Variants in KMT2D observed in about 807,000 individuals in gnomAD.
KMT2D encodes the protein histone-lysine N-methyltransferase 2D.
KMT2D carries 55 observed loss-of-function variants against 512.7 expected under a neutral mutation model. The observed-to-expected ratio is 0.11, with a 90% CI of 0.09 to 0.13. The LOEUF (loss-of-function observed/expected upper bound fraction) is 0.13, where lower values mean the gene tolerates loss of function less well. Ranked by LOEUF, KMT2D falls within the 10% of genes least tolerant of loss-of-function variation. The pLI, the probability that KMT2D is intolerant of heterozygous loss-of-function variation, is 1.00. For synonymous variants in KMT2D, 2,995 were observed against 2,904.0 expected, an observed-to-expected ratio of 1.03 and a Z score of -1.01; for missense variants, 6,061 against 7,127.9, an observed-to-expected ratio of 0.85 and a Z score of 5.39.
intron 48 of KMT2D, 108 bp from the exon 49 acceptor site, chr12:49,027,430 C>A: frequency 1.1e-6 from 1 of 875,406 alleles, no homozygotes; most frequent in Admixed American, 2.7e-5. Flanking sequence ...ATTCTTTGCC[C>A]TAGACAGCCT....
chr12:49,043,425 T>C lies in KMT2D; in HGVS notation c.5471A>G (p.Asp1824Gly). The C allele has an allele frequency of 6.2e-7, 1 of 1,613,850 alleles. No homozygotes were observed. Among genetic ancestry groups the C allele is most frequent in the Non-Finnish European group, 8.5e-7 (1 of 1,179,826 alleles). Residue 1824 changes from aspartate to glycine, a missense_variant, in exon 25 of 55, where the codon GAT (aspartate) becomes GGT (glycine). Around this residue, in one of 16 missense-constraint regions of KMT2D, gnomAD observed 640 missense variants for 814.3 expected, o/e 0.79. Transcript: ENST00000301067. ...RKELPTSQKG[D>G]DGPDIADEES... Reference sequence around the variant, plus strand: ...TTCATCTGCAATATCTGGACCATCATCTCCTATGAGCAAGAGTCCCCCCTC... The same window carrying C: ...TTCATCTGCAATATCTGGACCATCACCTCCTATGAGCAAGAGTCCCCCCTC...
At position 49,032,497 on chromosome 12, in the gene KMT2D, A is replaced by T. The variant is rs953411455; in HGVS notation, c.12208T>A (p.Ser4070Thr). ...ACAAGCAGGAGTTGTGAGTCCCCAG[A>T]GAGTGAGGGCTTTACCTCTCCTGGT... The part of the protein sequence containing the change: ...TEPGEVKPSL[S>T]GDSQLLLVQP... Residue 4070 changes from serine to threonine, a missense_variant, in exon 40 of 55, where the codon TCT becomes ACT. Coordinates refer to ENST00000301067, the MANE Select transcript of KMT2D (RefSeq NM_003482.4). 3 of 1,574,912 alleles carry T rather than the reference A, an allele frequency of 1.9e-6. No homozygotes were observed. The highest frequency in any genetic ancestry group is 8.6e-7 in the Non-Finnish European group (1 of 1,160,084).
Position 49,037,301 on chromosome 12 carries a change from T to G in KMT2D, c.10055A>C (p.Asn3352Thr), listed in dbSNP as rs2120477009. ...RLAPSMAMVS[N>T]QGHMLSGQHG... ...CTGCCCACTTAGCATATGCCCTTGA[T>G]TGGACACCATAGCCATGGATGGAGC... is the stretch of plus-strand genomic sequence containing the variant. The change falls in exon 35 of 55, where the codon AAT becomes ACT. Residue 3352 changes from asparagine to threonine, a missense_variant. Asn to Thr is a moderately conservative substitution (Grantham distance 65). This residue lies in a region of KMT2D where 533 missense variants were observed against 539.6 expected (regional missense o/e 0.99). Transcript: ENST00000301067. 1 of 1,613,458 alleles carries G rather than the reference T, an allele frequency of 6.2e-7. No individual in the cohort carries two copies.
At position 49,044,896 on chromosome 12, in the gene KMT2D, G is replaced by C. The variant is rs1218189743; in HGVS notation, c.4811C>G (p.Thr1604Ser). 18 of 1,613,946 alleles carry C rather than the reference G, an allele frequency of 1.1e-5. No homozygotes were observed. Among genetic ancestry groups the C allele is most frequent in the Non-Finnish European group, 1.5e-5 (18 of 1,179,912 alleles). ...GCGCCGCTTGTGCAGTGGTGACATGGTCAGGTTACGCAGCAAGGCCATGCC... is the reference window on the plus strand; with the variant it reads ...GCGCCGCTTGTGCAGTGGTGACATGCTCAGGTTACGCAGCAAGGCCATGCC... ...ETGMALLRNLTMSPLHKRRQR... is the reference protein window; with the variant it reads ...ETGMALLRNLSMSPLHKRRQR... Residue 1604 changes from threonine (T) to serine (S), a missense_variant, in exon 20 of 55, where the codon ACC becomes AGC. This residue lies in a region of KMT2D where 640 missense variants were observed against 814.3 expected (regional missense o/e 0.79). Coordinates refer to ENST00000301067, the MANE Select transcript of KMT2D (RefSeq NM_003482.4). This position sits in a 1 kb window ranked among gnomAD's most constrained non-coding sequence, Gnocchi z 6.4.
rs1277006659 is a variant in KMT2D, at chr12:49,027,134, T to C, written c.14832A>G (p.Pro4944=). The change falls in exon 49 of 55, where the codon CCA becomes CCG. Residue 4944 remains proline, a synonymous_variant. Transcript: ENST00000301067. ...VELPTEPLAE[P]PVPSPLPLAS... ...CCAGTGGCAGAGGTGAGGGGACGGGTGGCTCAGCCAAGGGTTCGGTGGGAA... is the reference window on the plus strand; with the variant it reads ...CCAGTGGCAGAGGTGAGGGGACGGGCGGCTCAGCCAAGGGTTCGGTGGGAA... 6.4e-7 allele frequency: 1 copy of C among 1,565,504 alleles called. No homozygotes were observed. The highest frequency in any genetic ancestry group is 8.7e-7 in the Non-Finnish European group (1 of 1,155,450).
At position 49,046,005 on chromosome 12, in the gene KMT2D, T is replaced by A; in HGVS notation, c.4694-38A>T. ...GGACAAACGGAGGTGGCTGAGGTCC[T>A]GTCCCAAAGCAAGGTACCCCTGCTC... On this transcript the variant is annotated intron_variant, in intron 18 of 54. Transcript: ENST00000301067. This position sits in a 1 kb window ranked among gnomAD's most constrained non-coding sequence, Gnocchi z 4.2. The A allele has an allele frequency of 6.2e-7, 1 of 1,613,540 alleles. No homozygotes were observed. The highest frequency in any genetic ancestry group is 8.5e-7 in the Non-Finnish European group (1 of 1,179,596).
At chr12:49,045,834 A>C (rs1943758825) in intron 19 of KMT2D, 86 bp downstream of exon 19, 2 of 1,132,308 alleles carry the variant, frequency 1.8e-6, no homozygotes, top group South Asian at 1.3e-5. Context: ...TCTTAAAATA[A>C]GGAGATGAAG....
chr12:49,047,295 TC>T (rs976768047), intron 15 of KMT2D, among the ~76,000 whole-genome samples: 1 of 151,774 alleles, frequency 6.6e-6, no homozygotes, highest in Non-Finnish European at 1.5e-5. Flanking sequence ...TCTCTGCTGA[TC>T]AGAGAAGAGC....
Position 49,034,368 on chromosome 12 carries a change from CA to C in KMT2D, c.10507+41del, listed in dbSNP as rs1348234772. On this transcript the variant is annotated intron_variant, in intron 38 of 54. Transcript: ENST00000301067. Reference sequence around the variant, plus strand: ...CCAATCCCTCTTCCTCCATATGACCCAAACCACTCCCCTGCACCTTCCTCCC... The same window carrying C: ...CCAATCCCTCTTCCTCCATATGACCCAACCACTCCCCTGCACCTTCCTCCC... 5 of 1,612,238 alleles carry C rather than the reference CA, an allele frequency of 3.1e-6. No homozygotes were observed. The African/African-American group carries it at 6.7e-5, about 22-fold the overall frequency.
chr12:49,029,444 C>T lies in KMT2D; in HGVS notation c.14032G>A (p.Ala4678Thr), dbSNP rs1175561800. Residue 4678 changes from alanine to threonine, a missense_variant, in exon 44 of 55, where the codon GCT (alanine) becomes ACT (threonine). By Grantham distance (58) the Ala-to-Thr change is moderately conservative. Transcript: ENST00000301067. ...TSEVKSLDLLAALPTPPHNQT... is the reference protein window; with the variant it reads ...TSEVKSLDLLTALPTPPHNQT... ...TTGTGAGGGGGTGTAGGCAAGGCAG[C>T]CAGCAGGTCTAGACTCTTCACCTCT... 1 of 1,557,358 alleles carries T rather than the reference C, an allele frequency of 6.4e-7. No individual in the cohort carries two copies. Among genetic ancestry groups the T allele is most frequent in the South Asian group, 1.2e-5 (1 of 84,434 alleles).
At chr12:49,049,374 A>G (rs1252582185) in intron 12 of KMT2D, among the ~76,000 whole-genome samples, 156 bp from the exon 13 acceptor site, 3 of 152,200 alleles carry the variant, frequency 2.0e-5, no homozygotes, top group Non-Finnish European at 1.5e-5. Context: ...ACTCCCAGAT[A>G]TCAACAAGCG....
chr12:49,058,207 C>A (rs1388736567), intron 1 of KMT2D, among the ~76,000 whole-genome samples: 1 of 152,052 alleles, frequency 6.6e-6, no homozygotes, highest in Non-Finnish European at 1.5e-5. Context: ...GAACTGTGTC[C>A]CTGGCTCATC....
rs575378376 is a variant in KMT2D, at chr12:49,042,666, G to C, written c.5783-21C>G. The C allele has an allele frequency of 6.4e-5, 103 of 1,611,308 alleles. 3 individuals are homozygous for C. The South Asian group carries it at 1.1e-3, about 17-fold the overall frequency. ...TCCACCTACAAGACGGACAGGATCA[G>C]AGAAAAGAGCAACTGGCCCATCCTG... is the stretch of plus-strand genomic sequence containing the variant. On this transcript the variant is annotated intron_variant, in intron 27 of 54. Transcript: ENST00000301067. The surrounding 1 kb of genome is among the most constrained non-coding windows in gnomAD (Gnocchi z 4.4).
At chr12:49,048,891 G>C (rs1025731141) in intron 13 of KMT2D, 122 bp from the exon 14 acceptor site, 2 of 748,558 alleles carry the variant, frequency 2.7e-6, no homozygotes, top group Admixed American at 2.2e-5. Context: ...CAAAAGCCAG[G>C]AATAACAGAC....
rs1438913229 is a variant in KMT2D, at chr12:49,021,629, C to G, written c.*151G>C. 3.0e-6 allele frequency: 2 copies of G among 655,830 alleles called. No individual in the cohort carries two copies. Among genetic ancestry groups the G allele is most frequent in the Non-Finnish European group, 5.2e-6 (2 of 382,576 alleles). The allele number at this position is 655,830 out of a possible 1,614,324, so 40.6% of individuals were successfully genotyped here. On this transcript the variant is annotated 3_prime_UTR_variant, in exon 55 of 55. Transcript: ENST00000301067. Reference sequence around the variant, plus strand: ...CAGGGTGGGCTTGGCCTAGGGCCCTCTGCCCCAGCCTCCTGCTCCAGGGGC... The same window carrying G: ...CAGGGTGGGCTTGGCCTAGGGCCCTGTGCCCCAGCCTCCTGCTCCAGGGGC...
In KMT2D at chr12:49,046,102, G is replaced by A. The variant is rs926200157; in HGVS notation, c.4656C>T (p.Asp1552=). 5.0e-6 allele frequency: 8 copies of A among 1,611,276 alleles called. No homozygotes were observed. The highest frequency in any genetic ancestry group is 4.0e-5 in the African/African-American group (3 of 74,866). The part of the protein sequence containing the change: ...DVEQAADEGF[D]CVSCQPYVVK... ...CCACGTAGGGCTGGCAGGAGACACA[G>A]TCAAAGCCTTCATCGGCTGCCTGCT... The change falls in exon 18 of 55, where the codon GAC becomes GAT. Residue 1552 remains aspartate, a synonymous_variant. Transcript: ENST00000301067. This position sits in a 1 kb window ranked among gnomAD's most constrained non-coding sequence, Gnocchi z 4.2.
rs781620078 is a variant in KMT2D at position 49,054,048 on chromosome 12, G to A, written c.603C>T (p.Ser201=). The change falls in exon 6 of 55, where the codon AGC becomes AGT. Residue 201 remains serine, a synonymous_variant. Transcript: ENST00000301067. This position sits in a 1 kb window ranked among gnomAD's most constrained non-coding sequence, Gnocchi z 6.4. ...GTGTTTTCATGGATAGGAAGGAACC[G>A]CTGGCAGTCGCGCAGGGGAAGTGGT... The part of the protein sequence containing the change: ...RLYHFPCATA[S]GSFLSMKTLQ... The A allele has an allele frequency of 2.9e-5, 46 of 1,613,914 alleles. No homozygotes were observed. The highest frequency in any genetic ancestry group is 1.8e-4 in the East Asian group (8 of 44,886).
Position 49,050,079 on chromosome 12 carries a change from G to A in KMT2D, c.3509C>T (p.Pro1170Leu), listed in dbSNP as rs1319209672. ...LAPVTPMEVY[P>L]ECKQTAGQGS... is the part of the protein sequence containing the mutation. ...CTGCCCTGCTGTCTGCTTGCATTCG[G>A]GGTAGACCTCCATAGGGGTCACAGG... is the stretch of plus-strand genomic sequence containing the variant. The change falls in exon 12 of 55, where the codon CCC becomes CTC. Residue 1170 changes from proline (P) to leucine (L), a missense_variant. Transcript: ENST00000301067. 6.2e-7 allele frequency: 1 copy of A among 1,613,748 alleles called. No homozygotes were observed. The highest frequency in any genetic ancestry group is 8.5e-7 in the Non-Finnish European group (1 of 1,179,890).
Position 49,042,524 on chromosome 12 carries a change from C to T in KMT2D, c.5867+37G>A, listed in dbSNP as rs749172984. The T allele has an allele frequency of 2.3e-5, 37 of 1,601,300 alleles. No homozygotes were observed. Among genetic ancestry groups the T allele is most frequent in the East Asian group, 1.3e-4 (6 of 44,594 alleles). On this transcript the variant is annotated intron_variant, in intron 28 of 54. Transcript: ENST00000301067. The surrounding 1 kb of genome is among the most constrained non-coding windows in gnomAD (Gnocchi z 4.4). ...GAACTCAGATGGAGGGAAAGGACAA[C>T]GAGGACTGCCCACAAAGGTTACGCA...
Sources: allele counts gnomAD v4.1 joint callset (sites outside exome capture counted in the v4.1 genomes callset), GRCh38; gene constraint gnomAD v4.1.1; regional missense constraint gnomAD v4.1.1; non-coding constraint Gnocchi (gnomAD v3.1); transcripts MANE v1.5; gene names NCBI Gene and HGNC (gene_info 2026-07-23, HGNC 2026-07-21).